DNAH11: variants seen among roughly 807,000 people sequenced by gnomAD.
DNAH11 encodes axonemal beta dynein heavy chain 11.
A neutral mutation model predicts 526.0 loss-of-function variants in DNAH11; 442 were observed. That is an observed-to-expected ratio of 0.84 (90% CI 0.78 to 0.91). The LOEUF is 0.91. Among genes scored for constraint, DNAH11 ranks in the 40% least tolerant of loss-of-function variants. The pLI is 0.00. For synonymous variants in DNAH11, 2,461 were observed against 1,935.9 expected (o/e 1.27, Z -7.12); for missense variants, 6,989 against 5,448.7 (o/e 1.28, Z -8.90).
At chr7:21,657,641 G>T (rs1418336553) in intron 29 of DNAH11, among the ~76,000 whole-genome samples, 1 of 152,192 alleles carries the variant, frequency 6.6e-6, no homozygotes, top group Non-Finnish European at 1.5e-5. Context: ...GGAACTTGTT[G>T]CTTGATGACC....
intron 65 of DNAH11, among the ~76,000 whole-genome samples, chr7:21,825,131 A>G (rs1383361875): frequency 6.6e-6 from 1 of 152,152 alleles, no homozygotes; most frequent in Non-Finnish European, 1.5e-5. Context: ...TTGGCTTCCT[A>G]AAGTGCTGAG....
In DNAH11 at chr7:21,735,533, T is replaced by C; in HGVS notation, c.7441-107T>C. ...GAACTATGAATTATTTGGATTTCAATTATAAAGTGACTGTGTTGAGTTTGA... is the reference window on the plus strand; with the variant it reads ...GAACTATGAATTATTTGGATTTCAACTATAAAGTGACTGTGTTGAGTTTGA... On this transcript the variant is annotated intron_variant, in intron 45 of 81. Transcript: ENST00000409508. 4 of 937,466 alleles carry C rather than the reference T, an allele frequency of 4.3e-6. No homozygotes were observed. The South Asian group carries it at 6.8e-5, about 16-fold the overall frequency. 58.1% of individuals were successfully genotyped at this position (937,466 alleles called of 1,614,324 possible).
At chr7:21,898,511 C>T (rs144638232) in intron 79 of DNAH11, among the ~76,000 whole-genome samples, 1 of 152,206 alleles carries the variant, frequency 6.6e-6, no homozygotes, top group Non-Finnish European at 1.5e-5. Flanking sequence ...ACTTCAGTGC[C>T]AGCCTTTCCT....
chr7:21,668,208 C>T (rs1782496099), intron 30 of DNAH11, among the ~76,000 whole-genome samples: 2 of 152,098 alleles, frequency 1.3e-5, no homozygotes, highest in African/African-American at 4.8e-5. Flanking sequence ...CATTTATATA[C>T]ATCTTATGAA....
At position 21,807,931 on chromosome 7, in the gene DNAH11, A is replaced by G; in HGVS notation, c.10214A>G (p.Lys3405Arg). Residue 3405 changes from lysine to arginine, a missense_variant, in exon 63 of 82, where the codon AAG becomes AGG. Coordinates refer to ENST00000409508, the MANE Select transcript of DNAH11 (RefSeq NM_001277115.2). ...ATTAAGTCCTTTGAAGCTCAAGAGA[A>G]GACACTCTGTGGAGATGTTCTTCTC... ...QSIKSFEAQEKTLCGDVLLTA... is the reference protein window; with the variant it reads ...QSIKSFEAQERTLCGDVLLTA... The G allele has an allele frequency of 6.2e-7, 1 of 1,609,476 alleles. No individual in the cohort carries two copies. Among genetic ancestry groups the G allele is most frequent in the Non-Finnish European group, 8.5e-7 (1 of 1,176,722 alleles).
chr7:21,723,216 C>G (rs1784950398), intron 44 of DNAH11, among the ~76,000 whole-genome samples: 1 of 152,312 alleles, frequency 6.6e-6, no homozygotes, highest in East Asian at 1.9e-4. Context: ...GTGCTTAGAG[C>G]TTTTCATAGG....
chr7:21,901,488 G>A lies in DNAH11; in HGVS notation c.*234G>A, dbSNP rs1784846948. ...TACTCAGGAGGTAGGAGAATCACTT[G>A]AACCTAGGAGGCAAAGGTTGCAGTG... On this transcript the variant is annotated 3_prime_UTR_variant, in exon 82 of 82. Coordinates refer to ENST00000409508, the MANE Select transcript of DNAH11 (RefSeq NM_001277115.2). The A allele has an allele frequency of 2.2e-5, 9 of 418,192 alleles. No individual in the cohort carries two copies. Among genetic ancestry groups the A allele is most frequent in the Non-Finnish European group, 3.0e-5 (8 of 267,608 alleles). 25.9% of individuals were successfully genotyped at this position (418,192 alleles called of 1,614,324 possible).
chr7:21,577,677 C>T (rs1220432703), intron 8 of DNAH11, among the ~76,000 whole-genome samples: 1 of 152,172 alleles, frequency 6.6e-6, no homozygotes, highest in East Asian at 1.9e-4. Context: ...AGTGGAGAAC[C>T]TGGACTTCTG....
In DNAH11 at chr7:21,816,424, C is replaced by T. The variant is rs1256084467; in HGVS notation, c.10333-43C>T. On this transcript the variant is annotated intron_variant, in intron 63 of 81. Transcript: ENST00000409508. ...TTCTTTTCTTGTCTGTCTTCTCTCT[C>T]TGCCACATGACCAATTTGTTGCATT... is the stretch of plus-strand genomic sequence containing the variant. 2.0e-6 allele frequency: 3 copies of T among 1,466,934 alleles called. No homozygotes were observed. The African/African-American group carries it at 4.2e-5, about 21-fold the overall frequency. 90.9% of individuals were successfully genotyped at this position (1,466,934 alleles called of 1,614,324 possible).
intron 20 of DNAH11, among the ~76,000 whole-genome samples, chr7:21,613,179 A>G (rs1785603832): frequency 6.6e-6 from 1 of 152,212 alleles, no homozygotes; most frequent in Non-Finnish European, 1.5e-5. Context: ...ACACATCATC[A>G]TGAATATATA....
intron 15 of DNAH11, 30 bp from the exon 16 acceptor site, chr7:21,600,645 AT>A: frequency 6.4e-7 from 1 of 1,552,372 alleles, no homozygotes; most frequent in Non-Finnish European, 8.7e-7. Flanking sequence ...GTTGGTTTGA[AT>A]AGTAAGTGCT....
rs4385378 is a variant in DNAH11, at chr7:21,656,031, G to A, written c.5094+50G>A. ...TATGCTAGGGGAGTATTTTCAGCAT[G>A]CTCTTAGAAGGTTGAGTTCAACAAG... On this transcript the variant is annotated intron_variant, in intron 29 of 81. Transcript: ENST00000409508. 861,724 of 1,504,776 alleles carry A rather than the reference G, an allele frequency of 0.57. 248,682 individuals carry two copies. The highest frequency in any genetic ancestry group is 0.73 in the Admixed American group (34,327 of 47,016). 93.2% of individuals were successfully genotyped at this position (1,504,776 alleles called of 1,614,324 possible). A position where few individuals can be genotyped will look rare whatever the true frequency, so the allele number is the denominator to read the frequency against.
chr7:21,559,304 T>G (rs889632002), intron 3 of DNAH11, among the ~76,000 whole-genome samples: 3 of 152,228 alleles, frequency 2.0e-5, no homozygotes, highest in Non-Finnish European at 4.4e-5. Flanking sequence ...TAAAGTATGC[T>G]TTTAAAAAGC....
intron 7 of DNAH11, among the ~76,000 whole-genome samples, chr7:21,571,501 A>G (rs1783887631): frequency 6.6e-6 from 1 of 152,018 alleles, no homozygotes; most frequent in Non-Finnish European, 1.5e-5. Context: ...GTTGGTTTCA[A>G]ACTCCTGGGC....
At chr7:21,589,630 A>G (rs1252652208) in intron 12 of DNAH11, among the ~76,000 whole-genome samples, 1 of 152,100 alleles carries the variant, frequency 6.6e-6, no homozygotes, top group Non-Finnish European at 1.5e-5. Context: ...CGCCACCCTC[A>G]CTAGATAATG....
intron 74 of DNAH11, among the ~76,000 whole-genome samples, chr7:21,875,005 G>A (rs1193527972): frequency 6.6e-6 from 1 of 152,064 alleles, no homozygotes; most frequent in Non-Finnish European, 1.5e-5. Context: ...GGGTCAATAC[G>A]TAAACCAACA....
At position 21,787,433 on chromosome 7, in the gene DNAH11, T is replaced by C. The variant is rs72657388; in HGVS notation, c.9774T>C (p.Tyr3258=). 25 of 1,611,054 alleles carry C rather than the reference T, an allele frequency of 1.6e-5. No homozygotes were observed. Among genetic ancestry groups the C allele is most frequent in the Admixed American group, 8.4e-5 (5 of 59,636 alleles). The part of the protein sequence containing the change: ...VDDFLQALIN[Y]DKEHIPENCL... The stretch of plus-strand genomic sequence containing the variant: ...ATTTTTTGCAAGCATTAATTAACTA[T>C]GACAAAGAGCACATTCCAGAGAACT... Residue 3258 remains tyrosine (Y), a synonymous_variant, in exon 60 of 82, where the codon TAT becomes TAC. Coordinates refer to ENST00000409508, the MANE Select transcript of DNAH11 (RefSeq NM_001277115.2).
At chr7:21,647,518 C>T (rs1429668438) in intron 28 of DNAH11, among the ~76,000 whole-genome samples, 1 of 151,240 alleles carries the variant, frequency 6.6e-6, no homozygotes, top group Non-Finnish European at 1.5e-5. Flanking sequence ...CAGGCTCCGC[C>T]TCCCAGGTTC....
At chr7:21,766,711 CA>C (rs11288151) in intron 55 of DNAH11, among the ~76,000 whole-genome samples, 17,355 of 137,674 alleles carry the variant, frequency 0.13, 1,326 homozygotes, top group African/African-American at 0.23. Context: ...TTTGCTTCTA[CA>C]AAAAAAAAAA....
Sources: allele counts gnomAD v4.1 joint callset (sites outside exome capture counted in the v4.1 genomes callset), GRCh38; gene constraint gnomAD v4.1.1; transcripts MANE v1.5; gene names NCBI Gene and HGNC (gene_info 2026-07-23, HGNC 2026-07-21).